Variants in HYDIN observed in about 807,000 individuals in gnomAD.
The protein encoded by HYDIN is axonemal central pair apparatus protein HYDIN.
In HYDIN, 132 loss-of-function variants were observed where a neutral mutation model predicts 403.9. That is an observed-to-expected ratio of 0.33 (90% confidence interval 0.28 to 0.38). The LOEUF (loss-of-function observed/expected upper bound fraction) is 0.38. Among genes scored for constraint, HYDIN ranks in the 10% least tolerant of loss-of-function variants. HYDIN has a pLI of 1.00. For synonymous variants in HYDIN, 1,202 were observed against 1,891.7 expected, an observed-to-expected ratio of 0.64 and a Z score of 9.46; for missense variants, 2,827 against 5,009.5, an observed-to-expected ratio of 0.56 and a Z score of 13.15.
chr16:71,214,045 T>C (rs2088738556), intron 1 of HYDIN, among the ~76,000 whole-genome samples: 1 of 152,096 alleles, frequency 6.6e-6, no homozygotes, highest in African/African-American at 2.4e-5. Context: ...AAAGCTGACA[T>C]AAATTATTAG....
intron 58 of HYDIN, among the ~76,000 whole-genome samples, chr16:70,886,239 G>A (rs949491745): frequency 6.6e-6 from 1 of 151,724 alleles, no homozygotes; most frequent in South Asian, 2.1e-4. Flanking sequence ...CCATGTACAT[G>A]CACCTCAGTT....
chr16:71,107,724 G>C (rs1250932730), intron 10 of HYDIN, among the ~76,000 whole-genome samples: 1 of 151,966 alleles, frequency 6.6e-6, no homozygotes, highest in African/African-American at 2.4e-5. Context: ...CTGTTGGTGG[G>C]AGTGTAAATT....
chr16:71,227,653 C>T (rs145292563), intron 1 of HYDIN, among the ~76,000 whole-genome samples: 9 of 152,010 alleles, frequency 5.9e-5, no homozygotes, highest in East Asian at 1.9e-4. Flanking sequence ...CACTGCTCAA[C>T]GAAATAAAAG....
chr16:71,210,908 A>G (rs2088554133), intron 1 of HYDIN, among the ~76,000 whole-genome samples: 1 of 152,106 alleles, frequency 6.6e-6, no homozygotes, highest in Non-Finnish European at 1.5e-5. Flanking sequence ...ATATTATATG[A>G]TAAAGCAAAT....
At chr16:70,939,317 C>T (rs1240142181) in intron 43 of HYDIN, among the ~76,000 whole-genome samples, 1 of 152,266 alleles carries the variant, frequency 6.6e-6, no homozygotes, top group Admixed American at 6.5e-5. Flanking sequence ...CAGCAGTCAT[C>T]AAGCCTCCAG....
At chr16:71,205,863 C>A (rs1026988925) in intron 1 of HYDIN, among the ~76,000 whole-genome samples, 4 of 152,178 alleles carry the variant, frequency 2.6e-5, no homozygotes, top group East Asian at 1.9e-4. Context: ...AGCCCAGCAG[C>A]CTTGCTTCTG....
chr16:70,894,345 G>A (rs1774431), intron 55 of HYDIN, 104 bp downstream of exon 55: 8 of 1,530,798 alleles, frequency 5.2e-6, no homozygotes, highest in Admixed American at 3.9e-5. Flanking sequence ...CTTGACGGCC[G>A]CAAACCCTAT....
In HYDIN at chr16:70,863,097, G is replaced by A; in HGVS notation, c.11557C>T (p.Pro3853Ser). The change falls in exon 68 of 86, where the codon CCA (proline) becomes TCA (serine). Residue 3853 changes from proline to serine, a missense_variant. Transcript: ENST00000393567. ...CCACTGAATTTACCTTGGTGATCTG[G>A]TTTTGCAAAGCTGACTGCCTTTGAG... ...DTSKAVSFAKPDHQGSAQKDQ... is the reference protein window; with the variant it reads ...DTSKAVSFAKSDHQGSAQKDQ... 6.2e-7 allele frequency: 1 copy of A among 1,614,046 alleles called. No homozygotes were observed. The highest frequency in any genetic ancestry group is 8.5e-7 in the Non-Finnish European group (1 of 1,179,938).
intron 54 of HYDIN, 33 bp downstream of exon 54, chr16:70,895,948 C>A (rs1184573531): frequency 9.6e-6 from 15 of 1,566,054 alleles, no homozygotes; most frequent in African/African-American, 1.5e-5. Context: ...GACCCAACTT[C>A]CAAACATCCT....
chr16:70,808,176 G>C, intron 85 of HYDIN, 114 bp from the exon 86 acceptor site: 1 of 1,197,224 alleles, frequency 8.4e-7, no homozygotes. Flanking sequence ...GTCTGTGTGA[G>C]ACTGGGAATG....
At chr16:71,209,199 A>G (rs912279587) in intron 1 of HYDIN, among the ~76,000 whole-genome samples, 6 of 150,138 alleles carry the variant, frequency 4.0e-5, no homozygotes, top group African/African-American at 1.5e-4. Context: ...ATCCACCACC[A>G]TCTAGTAGGC....
At chr16:71,107,505 C>G (rs6499459) in intron 10 of HYDIN, among the ~76,000 whole-genome samples, 135,238 of 150,442 alleles carry the variant, frequency 0.9, 61,068 homozygotes, top group African/African-American at 0.98. Context: ...ATTAAAAAGT[C>G]GGCAAAAAAA....
chr16:70,861,349 T>C (rs1340147646), intron 69 of HYDIN, among the ~76,000 whole-genome samples: 2 of 152,024 alleles, frequency 1.3e-5, no homozygotes, highest in Admixed American at 1.3e-4. Flanking sequence ...GTGGTATGAC[T>C]GCAGGAGGTC....
At chr16:70,848,505 G>C (rs2038378355) in intron 75 of HYDIN, among the ~76,000 whole-genome samples, 1 of 146,358 alleles carries the variant, frequency 6.8e-6, no homozygotes, top group African/African-American at 2.5e-5. Flanking sequence ...GTTACTCTTA[G>C]TTTGTTTAGT....
intron 18 of HYDIN, among the ~76,000 whole-genome samples, chr16:71,033,622 C>T (rs538600653): frequency 1.4e-5 from 2 of 141,784 alleles, no homozygotes; most frequent in East Asian, 4.2e-4. Flanking sequence ...CACACCAGGG[C>T]GTGTCAGGGG....
intron 73 of HYDIN, among the ~76,000 whole-genome samples, chr16:70,853,841 A>G (rs1318841469): frequency 6.8e-6 from 1 of 147,846 alleles, no homozygotes; most frequent in East Asian, 1.9e-4. Context: ...CTTGGGAGAA[A>G]TTTGGTAAAC....
chr16:71,112,611 C>T (rs1273889982), intron 10 of HYDIN, among the ~76,000 whole-genome samples: 1 of 151,564 alleles, frequency 6.6e-6, no homozygotes, highest in Admixed American at 6.6e-5. Context: ...TGATATGGAC[C>T]TTAGGGACAT....
At chr16:71,193,259 A>G (rs2087525263) in intron 1 of HYDIN, among the ~76,000 whole-genome samples, 1 of 152,224 alleles carries the variant, frequency 6.6e-6, no homozygotes, top group Non-Finnish European at 1.5e-5. Flanking sequence ...AGGCCAAAAC[A>G]CTTCTCAGAG....
intron 18 of HYDIN, among the ~76,000 whole-genome samples, chr16:71,056,128 T>G (rs996270325): frequency 7.8e-5 from 5 of 63,742 alleles, no homozygotes; most frequent in Non-Finnish European, 1.9e-4. Context: ...CTGAGATTTG[T>G]TTTTTTTTTT....
Sources: allele counts gnomAD v4.1 joint callset (sites outside exome capture counted in the v4.1 genomes callset), GRCh38; gene constraint gnomAD v4.1.1; transcripts MANE v1.5; gene names NCBI Gene and HGNC (gene_info 2026-07-23, HGNC 2026-07-21).